The following LIMD1 variants were observed in gnomAD, a reference collection of about 807,000 sequenced individuals.
LIMD1 encodes LIM domain containing 1, also known as LIM domain-containing protein 1.
Under a neutral mutation model 58.4 loss-of-function variants are expected in LIMD1, and 23 were observed. The observed-to-expected ratio is 0.39, with a 90% CI of 0.28 to 0.56. The LOEUF is 0.56. Ranked by LOEUF, LIMD1 falls within the 20% of genes least tolerant of loss-of-function variation. The pLI is 0.57. For synonymous variants in LIMD1, 334 were observed against 345.5 expected, an observed-to-expected ratio of 0.97 and a Z score of 0.37; for missense variants, 838 against 855.5, an observed-to-expected ratio of 0.98 and a Z score of 0.25.
At chr3:45,631,328 A>G (rs1434997175) in intron 1 of LIMD1, among the ~76,000 whole-genome samples, 1 of 152,030 alleles carries the variant, frequency 6.6e-6, no homozygotes, top group Non-Finnish European at 1.5e-5. Context: ...AGAAATCTCC[A>G]AGTCCAGGGT....
At chr3:45,667,900 C>T (rs578116483) in intron 3 of LIMD1, among the ~76,000 whole-genome samples, 2 of 152,112 alleles carry the variant, frequency 1.3e-5, no homozygotes, top group Admixed American at 6.5e-5. Context: ...CCAGAACCCA[C>T]CCCCTGAGTT....
intron 1 of LIMD1, among the ~76,000 whole-genome samples, chr3:45,632,176 C>G (rs1250950678): frequency 1.3e-5 from 2 of 152,156 alleles, no homozygotes; most frequent in Admixed American, 1.3e-4. Context: ...TTAGTTGATG[C>G]CTGACAAACT....
intron 3 of LIMD1, among the ~76,000 whole-genome samples, chr3:45,667,594 A>G (rs1352799091): frequency 6.7e-6 from 1 of 150,028 alleles, no homozygotes; most frequent in Non-Finnish European, 1.5e-5. Context: ...GTCTTTCAAG[A>G]CTGTGTGTGT....
At chr3:45,663,088 T>C (rs1697465548) in intron 2 of LIMD1, among the ~76,000 whole-genome samples, 1 of 152,228 alleles carries the variant, frequency 6.6e-6, no homozygotes, top group African/African-American at 2.4e-5. Flanking sequence ...TTGCCTTATT[T>C]GCACTGGTGT....
chr3:45,608,865 G>A (rs896246846), intron 1 of LIMD1, among the ~76,000 whole-genome samples: 1 of 148,312 alleles, frequency 6.7e-6, no homozygotes, highest in African/African-American at 2.5e-5. Context: ...AAAAGAAGGA[G>A]AATGAAGAAA....
At chr3:45,596,764 G>A (rs932510729) in intron 1 of LIMD1, among the ~76,000 whole-genome samples, 3 of 151,718 alleles carry the variant, frequency 2.0e-5, no homozygotes, top group Admixed American at 6.6e-5. Flanking sequence ...CTTGACTGCC[G>A]TGTGTGTGTG....
chr3:45,615,698 G>A lies in LIMD1; in HGVS notation c.1408+19411G>A, dbSNP rs569872290. On this transcript the variant is annotated intron_variant, in intron 1 of 7. Transcript: ENST00000273317. ...CTGAGACTGGGAAGTTGAGGCTGCA[G>A]TGATCCATAGTCACGCCTGTGTACT... Among the ~76,000 whole-genome samples the A allele has an allele frequency of 3.3e-3, 496 of 152,106 alleles. 1 individual carries two copies. Among genetic ancestry groups the A allele is most frequent in the African/African-American group, 0.011 (452 of 41,508 alleles).
chr3:45,601,597 G>T (rs1387026406), intron 1 of LIMD1, among the ~76,000 whole-genome samples: 1 of 152,212 alleles, frequency 6.6e-6, no homozygotes, highest in Non-Finnish European at 1.5e-5. Flanking sequence ...AGTGCCAGTG[G>T]TGTGCCGGGC....
intron 2 of LIMD1, among the ~76,000 whole-genome samples, chr3:45,637,920 C>T (rs1247189121): frequency 2.7e-5 from 4 of 148,562 alleles, no homozygotes; most frequent in South Asian, 2.1e-4. Context: ...TGAGAATGTC[C>T]GCAGTGGAAA....
intron 2 of LIMD1, 88 bp from the exon 3 acceptor site, chr3:45,665,562 C>T: frequency 1.9e-6 from 2 of 1,045,948 alleles, no homozygotes; most frequent in Non-Finnish European, 2.9e-6. Flanking sequence ...TTATTTCTGC[C>T]TAAAGATTTT....
At chr3:45,603,828 A>G (rs1025084074) in intron 1 of LIMD1, among the ~76,000 whole-genome samples, 2 of 152,076 alleles carry the variant, frequency 1.3e-5, no homozygotes, top group Non-Finnish European at 2.9e-5. Flanking sequence ...GGACCAGGCA[A>G]TCTTCCTAAG....
In LIMD1 at chr3:45,677,196, G is replaced by T. The variant is rs1045601992; in HGVS notation, c.*137G>T. 4.2e-6 allele frequency: 4 copies of T among 948,322 alleles called. No homozygotes were observed. In the African/African-American group the frequency reaches 6.6e-5, roughly 16 times the overall value. The allele number at this position is 948,322 out of a possible 1,614,324, so 58.7% of individuals were successfully genotyped here. ...GAGAGTTCCTGTGAGCATGTGGGGGGTGCCTTTCCTTTAACCAGGGAGGTG... is the reference window on the plus strand; with the variant it reads ...GAGAGTTCCTGTGAGCATGTGGGGGTTGCCTTTCCTTTAACCAGGGAGGTG... On this transcript the variant is annotated 3_prime_UTR_variant, in exon 8 of 8. Coordinates refer to ENST00000273317, the MANE Select transcript of LIMD1 (RefSeq NM_014240.3).
chr3:45,654,477 C>A (rs894551004), intron 2 of LIMD1, among the ~76,000 whole-genome samples: 2 of 152,040 alleles, frequency 1.3e-5, no homozygotes, highest in Non-Finnish European at 2.9e-5. Flanking sequence ...TAAACTACAC[C>A]GGCTTTATCA....
rs998357413 is a variant in LIMD1, at chr3:45,672,695, G to A, written c.1647G>A (p.Leu549=). Residue 549 remains leucine (L), a synonymous_variant, in exon 5 of 8, where the codon CTG becomes CTA. Transcript: ENST00000273317. ...AGTCTTGGTCTCTGCTCCAGATCCT[G>A]CAAGCCCTGGGGAAGTCCTACCACC... ...LCGHLIMDMI[L]QALGKSYHPG... 2 of 1,613,600 alleles carry A rather than the reference G, an allele frequency of 1.2e-6. No individual in the cohort carries two copies. Among genetic ancestry groups the A allele is most frequent in the Non-Finnish European group, 1.7e-6 (2 of 1,179,816 alleles).
intron 1 of LIMD1, among the ~76,000 whole-genome samples, chr3:45,605,387 T>G (rs2254828): frequency 6.6e-6 from 1 of 152,152 alleles, no homozygotes; most frequent in African/African-American, 2.4e-5. Flanking sequence ...GTGGTAATCA[T>G]TTTTACTTTA....
In LIMD1 at chr3:45,616,378, A is replaced by G. The variant is rs188075574; in HGVS notation, c.1409-19772A>G. Among the ~76,000 whole-genome samples the G allele has an allele frequency of 6.2e-4, 94 of 152,324 alleles. 2 individuals are homozygous for G. The highest frequency in any genetic ancestry group is 2.1e-3 in the African/African-American group (89 of 41,562). ...GTTAGAAGGTTTTTCTTCTCCAGCC[A>G]GCAGCCTTCCCAAAGACCTGACCTA... is the stretch of plus-strand genomic sequence containing the variant. On this transcript the variant is annotated intron_variant, in intron 1 of 7. Coordinates refer to ENST00000273317, the MANE Select transcript of LIMD1 (RefSeq NM_014240.3).
At chr3:45,675,389 C>T (rs931177838) in intron 7 of LIMD1, among the ~76,000 whole-genome samples, 5 of 152,252 alleles carry the variant, frequency 3.3e-5, no homozygotes, top group South Asian at 2.1e-4. Flanking sequence ...GATTAGTGGG[C>T]GTGGTGGCAC....
chr3:45,670,065 C>T lies in LIMD1; in HGVS notation c.1641+1709C>T, dbSNP rs553099473. On this transcript the variant is annotated intron_variant, in intron 4 of 7. Coordinates refer to ENST00000273317, the MANE Select transcript of LIMD1 (RefSeq NM_014240.3). ...TGTCCTCATTAGTAGCCAAGACCTC[C>T]CTGGGAAACGTGGCCCTTCCCCCAT... 3.3e-5 allele frequency among the ~76,000 whole-genome samples: 5 copies of T among 152,250 alleles called. No homozygotes were observed. The South Asian group carries it at 1.0e-3, about 32-fold the overall frequency.
At chr3:45,627,309 C>T (rs984873891) in intron 1 of LIMD1, among the ~76,000 whole-genome samples, 2 of 152,162 alleles carry the variant, frequency 1.3e-5, no homozygotes, top group Admixed American at 6.5e-5. Context: ...CCCTTAGCCC[C>T]TCTTATAAGT....
Sources: allele counts gnomAD v4.1 joint callset (sites outside exome capture counted in the v4.1 genomes callset), GRCh38; gene constraint gnomAD v4.1.1; transcripts MANE v1.5; gene names NCBI Gene and HGNC (gene_info 2026-07-23, HGNC 2026-07-21).